Variants in PIGN observed in about 807,000 individuals in gnomAD.
PIGN encodes phosphatidylinositol glycan anchor biosynthesis class N, also known as GPI ethanolamine phosphate transferase 1.
PIGN carries 117 observed loss-of-function variants against 125.4 expected under a neutral mutation model. The ratio of observed to expected loss-of-function variants is 0.93; its 90% CI spans 0.80 to 1.09. The LOEUF is 1.09. Among genes scored for constraint, PIGN ranks in the 50% least tolerant of loss-of-function variants. The pLI, the probability that PIGN is intolerant of heterozygous loss-of-function variation, is 0.00. For missense variants in PIGN, 1,075 were observed against 1,094.9 expected (o/e 0.98, Z 0.26); for synonymous variants, 392 against 377.8 (o/e 1.04, Z -0.44).
In PIGN at chr18:62,045,753, G is replaced by A. The variant is rs190815936; in HGVS notation, c.*103C>T. On this transcript the variant is annotated 3_prime_UTR_variant, in exon 31 of 31. Coordinates refer to ENST00000640252, the MANE Select transcript of PIGN (RefSeq NM_176787.5). ...AAATACCATTTTCCTTACAGGAGTA[G>A]AATATACTATATATCCATATCCATC... The A allele has an allele frequency of 2.3e-3, 2,629 of 1,125,564 alleles. 4 individuals are homozygous for A. The highest frequency in any genetic ancestry group is 2.6e-3 in the Non-Finnish European group (2,046 of 785,760). The allele number at this position is 1,125,564 out of a possible 1,614,324, so 69.7% of individuals were successfully genotyped here. A position where few individuals can be genotyped will look rare whatever the true frequency, so the allele number is the denominator to read the frequency against.
intron 23 of PIGN, among the ~76,000 whole-genome samples, chr18:62,020,572 CG>C (rs1446526296): frequency 1.3e-5 from 2 of 151,416 alleles, no homozygotes; most frequent in East Asian, 3.9e-4. Context: ...AATAGACATT[CG>C]CATATTAGCA....
intron 23 of PIGN, among the ~76,000 whole-genome samples, chr18:62,020,379 T>A (rs974972036): frequency 1.3e-5 from 2 of 152,116 alleles, no homozygotes; most frequent in African/African-American, 4.8e-5. Context: ...ATTTATAGCA[T>A]ACAATACATA....
intron 6 of PIGN, among the ~76,000 whole-genome samples, chr18:62,155,975 CT>C (rs535906580): frequency 7.2e-5 from 11 of 152,240 alleles, no homozygotes; most frequent in African/African-American, 2.6e-4. Context: ...ATTTTGCTTC[CT>C]GGACACATAA....
intron 1 of PIGN, among the ~76,000 whole-genome samples, chr18:62,164,972 G>A (rs185656500): frequency 1.2e-4 from 18 of 152,252 alleles, no homozygotes; most frequent in African/African-American, 4.3e-4. Context: ...TATGGTTTGT[G>A]CTTTTCCCCA....
At position 62,049,776 on chromosome 18, in the gene PIGN, T is replaced by C. The variant is rs942941566; in HGVS notation, c.2673-3797A>G. ...GTTTTAGACATGAAGTCCTTGTCCA[T>C]GCCTATGTCCTGAATGGTAATGCCT... On this transcript the variant is annotated intron_variant, in intron 30 of 30. Coordinates refer to ENST00000640252, the MANE Select transcript of PIGN (RefSeq NM_176787.5). 1.9e-4 allele frequency among the ~76,000 whole-genome samples: 29 copies of C among 152,100 alleles called. 1 individual carries two copies. The highest frequency in any genetic ancestry group is 5.5e-4 in the African/African-American group (23 of 41,512).
chr18:62,143,135 A>G (rs1408095651), intron 11 of PIGN, among the ~76,000 whole-genome samples, 171 bp downstream of exon 11: 1 of 152,230 alleles, frequency 6.6e-6, no homozygotes, highest in African/African-American at 2.4e-5. Context: ...TTTTGCCACA[A>G]GAGAGATTAG....
chr18:62,068,817 C>G (rs1475920913), intron 30 of PIGN, among the ~76,000 whole-genome samples: 1 of 152,332 alleles, frequency 6.6e-6, no homozygotes, highest in East Asian at 1.9e-4. Flanking sequence ...TCTACACATT[C>G]TCCCTAGTTC....
At chr18:62,130,467 CTTTA>C (rs2035690839) in intron 14 of PIGN, among the ~76,000 whole-genome samples, 1 of 151,670 alleles carries the variant, frequency 6.6e-6, no homozygotes, top group South Asian at 2.1e-4. Context: ...GAAAAATTTC[CTTTA>C]TTGACTAAAT....
rs1000282515 is a variant in PIGN, at chr18:62,055,011, C to T, written c.2673-9032G>A. Among the ~76,000 whole-genome samples, 3 of 152,180 alleles carry T rather than the reference C, an allele frequency of 2.0e-5. 1 individual carries two copies. Among genetic ancestry groups the T allele is most frequent in the African/African-American group, 7.2e-5 (3 of 41,454 alleles). ...AAAATGAGATATCACTACACACCCA[C>T]TTGAATAGCTAAAATAAAAAATATT... On this transcript the variant is annotated intron_variant, in intron 30 of 30. Coordinates refer to ENST00000640252, the MANE Select transcript of PIGN (RefSeq NM_176787.5).
intron 14 of PIGN, 179 bp downstream of exon 14, chr18:62,138,064 C>A (rs1447068661): frequency 1.2e-6 from 1 of 826,866 alleles, no homozygotes. Context: ...TCAAAGTTAT[C>A]TAGCACCTGG....
At chr18:62,054,489 A>ATT (rs367909088) in intron 30 of PIGN, among the ~76,000 whole-genome samples, 1,238 of 117,260 alleles carry the variant, frequency 0.011, 28 homozygotes, top group East Asian at 0.044. Flanking sequence ...TTTTTTTCCT[A>ATT]TTTTTTTTTT....
At chr18:62,125,046 C>T (rs2035454550) in intron 14 of PIGN, among the ~76,000 whole-genome samples, 1 of 145,358 alleles carries the variant, frequency 6.9e-6, no homozygotes, top group Admixed American at 6.7e-5. Context: ...TATAAATATA[C>T]AATTTGTACA....
chr18:62,019,456 T>C (rs1673499504), intron 23 of PIGN, among the ~76,000 whole-genome samples: 1 of 152,252 alleles, frequency 6.6e-6, no homozygotes, highest in Non-Finnish European at 1.5e-5. Context: ...TGTGAAGAGT[T>C]AGGGGAAATT....
intron 14 of PIGN, chr18:62,123,451 T>TG (rs2035386146): frequency 6.6e-6 from 1 of 152,166 alleles, no homozygotes; most frequent in South Asian, 2.1e-4. Flanking sequence ...ACTAAATGGC[T>TG]GAAAAAAAGC....
chr18:62,062,050 T>C (rs1358013071), intron 30 of PIGN, among the ~76,000 whole-genome samples: 1 of 152,180 alleles, frequency 6.6e-6, no homozygotes, highest in Non-Finnish European at 1.5e-5. Flanking sequence ...ATCACCGCTA[T>C]AGAGGATACA....
intron 16 of PIGN, chr18:62,112,897 C>T: frequency 2.3e-6 from 1 of 441,970 alleles, no homozygotes; most frequent in Non-Finnish European, 4.0e-6. Context: ...ACTTAAATTA[C>T]TTACACCTCT....
intron 28 of PIGN, among the ~76,000 whole-genome samples, chr18:62,080,645 T>C (rs1410868352): frequency 1.3e-5 from 2 of 152,166 alleles, no homozygotes; most frequent in Non-Finnish European, 2.9e-5. Context: ...TGAGATACGA[T>C]GGCAGATGGA....
rs1262248923 is a variant in PIGN at position 62,186,842 on chromosome 18, A to G, written c.-236+2T>C. On this transcript the variant is annotated splice_donor_variant, in intron 1 of 30. Coordinates refer to ENST00000640252, the MANE Select transcript of PIGN (RefSeq NM_176787.5). LOFTEE classifies it low-confidence loss of function (5UTR_SPLICE). Reference sequence around the variant, plus strand: ...CTCCGCGCACTGGTCCCTGAACTTTACCTGGAGCTTATCCCGGTCAGGCCT... The same window carrying G: ...CTCCGCGCACTGGTCCCTGAACTTTGCCTGGAGCTTATCCCGGTCAGGCCT... 1 of 152,258 alleles carries G rather than the reference A, an allele frequency of 6.6e-6. No homozygotes were observed. Among genetic ancestry groups the G allele is most frequent in the Non-Finnish European group, 1.5e-5 (1 of 68,104 alleles). 9.4% of individuals were successfully genotyped at this position (152,258 alleles called of 1,614,324 possible). A position where few individuals can be genotyped will look rare whatever the true frequency, so the allele number is the denominator to read the frequency against.
rs371002020 is a variant in PIGN at position 62,167,699 on chromosome 18, C to T, written c.-235-4043G>A. Among the ~76,000 whole-genome samples, 3 of 145,606 alleles carry T rather than the reference C, an allele frequency of 2.1e-5. No homozygotes were observed. In the South Asian group the frequency reaches 6.5e-4, roughly 32 times the overall value. ...AACACACTCTCTCTCTCTCTCTCTACATATATATATATATACACACACACA... is the reference window on the plus strand; with the variant it reads ...AACACACTCTCTCTCTCTCTCTCTATATATATATATATATACACACACACA... On this transcript the variant is annotated intron_variant, in intron 1 of 30. Coordinates refer to ENST00000640252, the MANE Select transcript of PIGN (RefSeq NM_176787.5).
Sources: gnomAD v4.1 joint callset for allele counts (sites outside exome capture counted in the v4.1 genomes callset) on GRCh38, gnomAD v4.1.1 for gene constraint, MANE v1.5 for transcripts, NCBI Gene and HGNC (gene_info 2026-07-23, HGNC 2026-07-21) for gene names.